Variants in ARHGEF26 observed in about 807,000 individuals in gnomAD.
ARHGEF26 encodes Rho guanine nucleotide exchange factor 26.
A neutral mutation model predicts 89.4 loss-of-function variants in ARHGEF26; 59 were observed. That is an observed-to-expected ratio of 0.66 (90% CI 0.54 to 0.82). The LOEUF (loss-of-function observed/expected upper bound fraction) is 0.82, where lower values mean the gene tolerates loss of function less well. ARHGEF26 is among the 40% of genes least tolerant of loss of function. The probability of loss-of-function intolerance (pLI) is 0.00; values close to 1 mark genes in which losing one functional copy is unlikely to be tolerated. For synonymous variants in ARHGEF26, 500 were observed against 428.4 expected (o/e 1.17, Z -2.06); for missense variants, 1,234 against 1,085.6 (o/e 1.14, Z -1.92).
intron 12 of ARHGEF26, among the ~76,000 whole-genome samples, chr3:154,247,560 A>G (rs1325706117): frequency 6.6e-6 from 1 of 152,168 alleles, no homozygotes; most frequent in African/African-American, 2.4e-5. Flanking sequence ...TGCTTTGTAC[A>G]TAGCGAGTAG....
At chr3:154,220,000 A>G (rs1338632958) in intron 10 of ARHGEF26, among the ~76,000 whole-genome samples, 6 of 152,218 alleles carry the variant, frequency 3.9e-5, no homozygotes, top group Non-Finnish European at 5.9e-5. Context: ...TCATTCAATG[A>G]TTAAAATATT....
chr3:154,216,120 A>G (rs1359296731), intron 9 of ARHGEF26, among the ~76,000 whole-genome samples: 1 of 152,118 alleles, frequency 6.6e-6, no homozygotes, highest in Non-Finnish European at 1.5e-5. Context: ...CTTCTATATT[A>G]TAGTATTTAT....
Position 154,255,683 on chromosome 3 carries a change from C to A in ARHGEF26, c.*210C>A. ...ACAGCTCAGTTTTTACCTAACCACA[C>A]ACTTGCAGACCTCCTGAGGTACACA... On this transcript the variant is annotated 3_prime_UTR_variant, in exon 15 of 15. Transcript: ENST00000465093. The A allele has an allele frequency of 3.6e-6, 5 of 1,379,032 alleles. No individual in the cohort carries two copies. The highest frequency in any genetic ancestry group is 4.7e-6 in the Non-Finnish European group (5 of 1,072,976). The allele number at this position is 1,379,032 out of a possible 1,614,324, so 85.4% of individuals were successfully genotyped here.
At chr3:154,144,313 C>T (rs762521392) in intron 4 of ARHGEF26, among the ~76,000 whole-genome samples, 5 of 152,116 alleles carry the variant, frequency 3.3e-5, no homozygotes, top group East Asian at 1.9e-4. Context: ...TCTGTGTCTC[C>T]GTTCTTTATT....
intron 5 of ARHGEF26, among the ~76,000 whole-genome samples, chr3:154,149,780 C>A (rs1719908475): frequency 1.3e-5 from 2 of 152,030 alleles, no homozygotes; most frequent in Non-Finnish European, 2.9e-5. Flanking sequence ...AACTGATAGT[C>A]ACGTTAGTCT....
chr3:154,180,571 G>A (rs1366812395), intron 6 of ARHGEF26, among the ~76,000 whole-genome samples: 1 of 151,008 alleles, frequency 6.6e-6, no homozygotes, highest in South Asian at 2.1e-4. Flanking sequence ...GACTTAAAAA[G>A]GTCTGTGCTG....
intron 12 of ARHGEF26, among the ~76,000 whole-genome samples, chr3:154,251,337 T>G (rs1718133638): frequency 6.6e-6 from 1 of 152,234 alleles, no homozygotes. Context: ...ACATAGGTGC[T>G]TCAGAATATT....
intron 4 of ARHGEF26, among the ~76,000 whole-genome samples, chr3:154,132,901 T>A (rs1718773992): frequency 6.6e-6 from 1 of 152,164 alleles, no homozygotes; most frequent in Non-Finnish European, 1.5e-5. Context: ...AACATTTTAA[T>A]GCAAAACTCT....
chr3:154,122,270 A>T lies in ARHGEF26; in HGVS notation c.278A>T (p.Asn93Ile), dbSNP rs574208989. Residue 93 changes from asparagine to isoleucine, a missense_variant, in exon 2 of 15, where the codon AAT becomes ATT. By Grantham distance (149) the Asn-to-Ile change is moderately radical. Coordinates refer to ENST00000465093, the MANE Select transcript of ARHGEF26 (RefSeq NM_015595.4). ...GGCGCCCAGCGGAGAGCGGTGGCCAATGGTGGGACGGCATCCCCGGAGTAC... is the reference window on the plus strand; with the variant it reads ...GGCGCCCAGCGGAGAGCGGTGGCCATTGGTGGGACGGCATCCCCGGAGTAC... ...LLGAQRRAVANGGTASPEYRA... is the reference protein window; with the variant it reads ...LLGAQRRAVAIGGTASPEYRA... The T allele has an allele frequency of 6.2e-7, 1 of 1,612,346 alleles. No individual in the cohort carries two copies. The highest frequency in any genetic ancestry group is 1.3e-5 in the African/African-American group (1 of 74,906).
intron 6 of ARHGEF26, among the ~76,000 whole-genome samples, chr3:154,154,150 A>G (rs765237450): frequency 1.1e-4 from 17 of 152,192 alleles, no homozygotes; most frequent in Non-Finnish European, 1.2e-4. Context: ...ACGTTATTCT[A>G]TTTATTAGTG....
intron 12 of ARHGEF26, among the ~76,000 whole-genome samples, chr3:154,247,798 T>C (rs1384080092): frequency 6.6e-6 from 1 of 152,256 alleles, no homozygotes; most frequent in Non-Finnish European, 1.5e-5. Flanking sequence ...GTCGAAGTCA[T>C]GTATACTGTG....
chr3:154,122,926 T>C lies in ARHGEF26; in HGVS notation c.934T>C (p.Leu312=), dbSNP rs1718081239. The C allele has an allele frequency of 6.2e-7, 1 of 1,613,484 alleles. No homozygotes were observed. Among genetic ancestry groups the C allele is most frequent in the Non-Finnish European group, 8.5e-7 (1 of 1,179,732 alleles). The part of the protein sequence containing the change: ...VDSPGSLRRG[L]RSTSYRRAVV... ...TAGCCCAGGGTCTCTGCGGAGAGGC[T>C]TGCGGTCCACGTCTTATCGCAGGGC... Residue 312 remains leucine (L), a synonymous_variant, in exon 2 of 15, where the codon TTG becomes CTG. Transcript: ENST00000465093.
At chr3:154,204,333 CTTT>C (rs55822103) in intron 9 of ARHGEF26, among the ~76,000 whole-genome samples, 1 of 113,336 alleles carries the variant, frequency 8.8e-6, no homozygotes, top group Non-Finnish European at 1.7e-5. Flanking sequence ...TTTTCTTTTC[CTTT>C]TTTTTTTTTT....
chr3:154,205,582 A>G (rs1288353471), intron 9 of ARHGEF26, among the ~76,000 whole-genome samples: 3 of 152,042 alleles, frequency 2.0e-5, no homozygotes, highest in South Asian at 2.1e-4. Context: ...GTGGTCTTCT[A>G]TTCCTTCTTT....
At chr3:154,161,099 TTTGTGTGTGTGTG>T (rs1302844820) in intron 6 of ARHGEF26, among the ~76,000 whole-genome samples, 3,715 of 147,270 alleles carry the variant, frequency 0.025, 64 homozygotes, top group East Asian at 0.041. Flanking sequence ...GGTAGCCAGG[TTTGTGTGTGTGTG>T]TGTGTGTGTG....
At chr3:154,239,733 T>A (rs1189306734) in intron 11 of ARHGEF26, among the ~76,000 whole-genome samples, 2 of 151,948 alleles carry the variant, frequency 1.3e-5, no homozygotes, top group African/African-American at 4.8e-5. Context: ...TGGGGCCAGA[T>A]TGGGCATGTT....
intron 10 of ARHGEF26, among the ~76,000 whole-genome samples, chr3:154,224,635 C>A (rs1716362217): frequency 6.6e-6 from 1 of 152,154 alleles, no homozygotes; most frequent in Non-Finnish European, 1.5e-5. Context: ...GTTATCTAAG[C>A]AATCTGTCGA....
intron 6 of ARHGEF26, among the ~76,000 whole-genome samples, chr3:154,178,882 C>T (rs1485803289): frequency 1.3e-5 from 2 of 152,180 alleles, no homozygotes; most frequent in East Asian, 3.9e-4. Flanking sequence ...TCCAGCCCTA[C>T]ACCCTGCCCT....
Position 154,240,466 on chromosome 3 carries a change from C to A in ARHGEF26, c.2187C>A (p.Asn729Lys). ...NEELNSSPGK[N>K]SSTMLYSRQS... is the part of the protein sequence containing the mutation. ...AGCTTAATTCTTCTCCAGGGAAGAACAGCTCCACAATGCTCTATTCAAGAC... is the reference window on the plus strand; with the variant it reads ...AGCTTAATTCTTCTCCAGGGAAGAAAAGCTCCACAATGCTCTATTCAAGAC... Residue 729 changes from asparagine (N) to lysine (K), a missense_variant, in exon 12 of 15, where the codon AAC (asparagine) becomes AAA (lysine). Asn to Lys is a moderately conservative substitution (Grantham distance 94). Transcript: ENST00000465093. The A allele has an allele frequency of 1.2e-6, 2 of 1,613,410 alleles. No homozygotes were observed. The highest frequency in any genetic ancestry group is 1.7e-6 in the Non-Finnish European group (2 of 1,179,556).
Sources: gnomAD v4.1 joint callset for allele counts (sites outside exome capture counted in the v4.1 genomes callset) on GRCh38, gnomAD v4.1.1 for gene constraint, MANE v1.5 for transcripts, NCBI Gene and HGNC (gene_info 2026-07-23, HGNC 2026-07-21) for gene names.